RNF6: variants seen among roughly 807,000 people sequenced by gnomAD.
The protein encoded by RNF6 is E3 ubiquitin-protein ligase RNF6.
In RNF6, 21 loss-of-function variants were observed where a neutral mutation model predicts 50.1. That is an observed-to-expected ratio of 0.42 (90% CI 0.30 to 0.60). The LOEUF (loss-of-function observed/expected upper bound fraction) is 0.60, where lower values mean the gene tolerates loss of function less well. RNF6 is among the 20% of genes least tolerant of loss of function. The pLI is 0.20. For synonymous variants in RNF6, 255 were observed against 291.8 expected (o/e 0.87, Z 1.29); for missense variants, 698 against 838.2 (o/e 0.83, Z 2.07).
At chr13:26,146,944 C>A (rs1015054406) in intron 5 of RNF6, among the ~76,000 whole-genome samples, 1 of 152,086 alleles carries the variant, frequency 6.6e-6, no homozygotes, top group African/African-American at 2.4e-5. Context: ...TTGAAATGCA[C>A]CATGATTGTA....
intron 5 of RNF6, among the ~76,000 whole-genome samples, chr13:26,190,573 T>C (rs528541130): frequency 6.6e-6 from 1 of 152,342 alleles, no homozygotes; most frequent in African/African-American, 2.4e-5. Context: ...GAAATTCTTC[T>C]GTTCAGTTAC....
In RNF6 at chr13:26,213,174, A is replaced by C. The variant is rs924881097; in HGVS notation, c.*650T>G. 1.3e-5 allele frequency: 2 copies of C among 152,610 alleles called. No individual in the cohort carries two copies. The highest frequency in any genetic ancestry group is 2.9e-5 in the Non-Finnish European group (2 of 68,024). 9.5% of individuals were successfully genotyped at this position (152,610 alleles called of 1,614,324 possible). ...TATCTCTACTTTAAAATTATATCTG[A>C]ATCCCCTTTCTCTGAGATGAACTTG... is the stretch of plus-strand genomic sequence containing the variant. On this transcript the variant is annotated 3_prime_UTR_variant, in exon 5 of 5. Transcript: ENST00000381588.
chr13:26,189,071 G>T (rs1873696465), intron 5 of RNF6, among the ~76,000 whole-genome samples: 1 of 151,630 alleles, frequency 6.6e-6, no homozygotes, highest in Admixed American at 6.6e-5. Flanking sequence ...GCTAACGCCC[G>T]TAATCCCAGC....
At chr13:26,145,909 TG>T (rs1265093407) in intron 5 of RNF6, among the ~76,000 whole-genome samples, 1 of 152,188 alleles carries the variant, frequency 6.6e-6, no homozygotes, top group African/African-American at 2.4e-5. Context: ...CAGCTGCTTG[TG>T]TATTCCAGAA....
At chr13:26,147,164 C>T (rs1566407489) in intron 5 of RNF6, among the ~76,000 whole-genome samples, 1 of 152,188 alleles carries the variant, frequency 6.6e-6, no homozygotes, top group Non-Finnish European at 1.5e-5. Context: ...TACCCATTCC[C>T]ACACATGTTC....
At chr13:26,184,448 T>C (rs552593591) in intron 5 of RNF6, among the ~76,000 whole-genome samples, 2 of 152,210 alleles carry the variant, frequency 1.3e-5, no homozygotes, top group East Asian at 3.8e-4. Flanking sequence ...TAAAAATCTG[T>C]TTTATGCTTT....
chr13:26,184,294 G>A (rs887323857), intron 5 of RNF6, among the ~76,000 whole-genome samples: 1 of 152,032 alleles, frequency 6.6e-6, no homozygotes, highest in Admixed American at 6.6e-5. Context: ...GCCTCCCAAA[G>A]TGCTGGGATT....
At position 26,222,153 on chromosome 13, in the gene RNF6, G is replaced by A. The variant is rs1255335770; in HGVS notation, c.-252C>T. ...CTGTGCCCTCGAATTGGCCACTGAGGAGAGAAGCCGGAAGCCCGTGCTGCA... is the reference window on the plus strand; with the variant it reads ...CTGTGCCCTCGAATTGGCCACTGAGAAGAGAAGCCGGAAGCCCGTGCTGCA... On this transcript the variant is annotated 5_prime_UTR_variant, in exon 1 of 5. Transcript: ENST00000381588. 1 of 152,474 alleles carries A rather than the reference G, an allele frequency of 6.6e-6. No homozygotes were observed. The highest frequency in any genetic ancestry group is 1.9e-4 in the East Asian group (1 of 5,194). The allele number at this position is 152,474 out of a possible 1,614,324, so 9.4% of individuals were successfully genotyped here. A position where few individuals can be genotyped will look rare whatever the true frequency, so the allele number is the denominator to read the frequency against.
chr13:26,218,616 T>A lies in RNF6; in HGVS notation c.194-10A>T. 1 of 1,609,042 alleles carries A rather than the reference T, an allele frequency of 6.2e-7. No individual in the cohort carries two copies. The highest frequency in any genetic ancestry group is 8.5e-7 in the Non-Finnish European group (1 of 1,175,736). On this transcript the variant is annotated splice_polypyrimidine_tract_variant and intron_variant, in intron 3 of 4. Coordinates refer to ENST00000381588, the MANE Select transcript of RNF6 (RefSeq NM_005977.4). ...TCTGATGTTATTTCTCCTAAAACAATGAAAAACTGCTCATTTAAGAATTCT... is the reference window on the plus strand; with the variant it reads ...TCTGATGTTATTTCTCCTAAAACAAAGAAAAACTGCTCATTTAAGAATTCT...
intron 5 of RNF6, chr13:26,149,214 TG>T (rs1192547402): frequency 5.3e-5 from 8 of 152,306 alleles, no homozygotes; most frequent in African/African-American, 1.9e-4. Flanking sequence ...GTTTCTGTTA[TG>T]GGGGAAAAAT....
chr13:26,214,960 T>C lies in RNF6; in HGVS notation c.922A>G (p.Asn308Asp), dbSNP rs1869700764. The C allele has an allele frequency of 1.9e-6, 3 of 1,614,104 alleles. No homozygotes were observed. Among genetic ancestry groups the C allele is most frequent in the African/African-American group, 2.7e-5 (2 of 74,934 alleles). ...TGAATTGGTGAACGGCTTCGACTAT[T>C]GGAAGTAGATCGTAATCTTATTGGC... is the stretch of plus-strand genomic sequence containing the variant. ...LEPIRLRSTS[N>D]SRSRSPIQRQ... Residue 308 changes from asparagine (N) to aspartate (D), a missense_variant, in exon 5 of 5, where the codon AAT becomes GAT. Asn to Asp is a conservative substitution (Grantham distance 23, BLOSUM62 1). Coordinates refer to ENST00000381588, the MANE Select transcript of RNF6 (RefSeq NM_005977.4).
rs1566403656 is a variant in RNF6 at position 26,139,637 on chromosome 13, G to A, written n.769-7186C>T. Among the ~76,000 whole-genome samples the A allele has an allele frequency of 2.0e-5, 3 of 152,192 alleles. No homozygotes were observed. The South Asian group carries it at 6.2e-4, about 32-fold the overall frequency. ...AATAAACCTCAAGATCAGTTTGAAGGAAATTGACATCTTTATAATATTGAC... is the reference window on the plus strand; with the variant it reads ...AATAAACCTCAAGATCAGTTTGAAGAAAATTGACATCTTTATAATATTGAC... On this transcript the variant is annotated intron_variant and non_coding_transcript_variant, in intron 5 of 5. Transcript: ENST00000468480.
chr13:26,148,673 A>ATATATATATATAT (rs1871394576), intron 5 of RNF6, among the ~76,000 whole-genome samples: 1 of 47,112 alleles, frequency 2.1e-5, no homozygotes, highest in African/African-American at 8.2e-5. Context: ...TATATATATG[A>ATATATATATATAT]GGGAGATATA....
intron 5 of RNF6, among the ~76,000 whole-genome samples, chr13:26,135,090 A>T (rs983403649): frequency 1.5e-4 from 23 of 152,326 alleles, no homozygotes; most frequent in Non-Finnish European, 2.6e-4. Context: ...ATTAACAAAA[A>T]GTTAATTGGA....
rs774500514 is a variant in RNF6 at position 26,219,691 on chromosome 13, T to C, written c.-18-24A>G. On this transcript the variant is annotated intron_variant, in intron 2 of 4. Coordinates refer to ENST00000381588, the MANE Select transcript of RNF6 (RefSeq NM_005977.4). ...TTCTGTTCAAACAATATAAACAACA[T>C]TCAAGGTGTTAAGTCATGGACCACA... 12 of 1,591,390 alleles carry C rather than the reference T, an allele frequency of 7.5e-6. No homozygotes were observed. The Admixed American group carries it at 8.5e-5, about 11-fold the overall frequency.
chr13:26,139,323 C>T (rs538204012), intron 5 of RNF6, among the ~76,000 whole-genome samples: 23 of 152,176 alleles, frequency 1.5e-4, no homozygotes, highest in Admixed American at 5.9e-4. Flanking sequence ...TTCCTCTGCC[C>T]TGCCTTGCCT....
downstream of RNF6, among the ~76,000 whole-genome samples, chr13:26,207,858 G>A (rs1869170119): frequency 6.6e-6 from 1 of 152,188 alleles, no homozygotes; most frequent in South Asian, 2.1e-4. Flanking sequence ...GTCCCACCTG[G>A]CCCCCACACG....
chr13:26,149,870 GTA>G (rs749089662), intron 5 of RNF6, among the ~76,000 whole-genome samples: 2,805 of 73,950 alleles, frequency 0.038, 382 homozygotes, highest in African/African-American at 0.084. Flanking sequence ...ATGTGTGTGT[GTA>G]TATATATATA....
chr13:26,172,750 A>G (rs549180983), intron 5 of RNF6, among the ~76,000 whole-genome samples: 251 of 152,254 alleles, frequency 1.6e-3, no homozygotes, highest in African/African-American at 5.9e-3. Context: ...TCACTATGTT[A>G]GCCAGGATGG....
Sources: allele counts gnomAD v4.1 joint callset (sites outside exome capture counted in the v4.1 genomes callset), GRCh38; gene constraint gnomAD v4.1.1; transcripts MANE v1.5; gene names NCBI Gene and HGNC (gene_info 2026-07-23, HGNC 2026-07-21).